Variants in IFT80 observed in about 807,000 individuals in gnomAD.
The protein encoded by IFT80 is intraflagellar transport 80, also known as intraflagellar transport protein 80 homolog.
Under a neutral mutation model 107.9 loss-of-function variants are expected in IFT80, and 79 were observed. The ratio of observed to expected loss-of-function variants is 0.73; its 90% confidence interval spans 0.61 to 0.88. The LOEUF (loss-of-function observed/expected upper bound fraction) is 0.88, where lower values mean the gene tolerates loss of function less well. Ranked by LOEUF, IFT80 falls within the 40% of genes least tolerant of loss-of-function variation. IFT80 has a pLI of 0.00. For synonymous variants in IFT80, 299 were observed against 300.9 expected (o/e 0.99, Z 0.07); for missense variants, 797 against 914.2 (o/e 0.87, Z 1.65).
At position 160,280,159 on chromosome 3, in the gene IFT80, C is replaced by T. The variant is rs574178105; in HGVS notation, c.1664+508G>A. 2.6e-5 allele frequency among the ~76,000 whole-genome samples: 4 copies of T among 152,174 alleles called. No individual in the cohort carries two copies. The East Asian group carries it at 7.7e-4, about 29-fold the overall frequency. On this transcript the variant is annotated intron_variant, in intron 15 of 19. Transcript: ENST00000326448. ...AGAATAAGAGATCTCCTTGCTATTT[C>T]TTAGAGAATTTAGGAATATAAATGG...
At chr3:160,288,408 C>A (rs1428497834) in intron 12 of IFT80, among the ~76,000 whole-genome samples, 2 of 152,078 alleles carry the variant, frequency 1.3e-5, no homozygotes, top group Non-Finnish European at 2.9e-5. Context: ...CTAGGCAATA[C>A]CATTCTGGAC....
At chr3:160,349,404 G>A (rs1467593830) in intron 8 of IFT80, among the ~76,000 whole-genome samples, 4 of 151,618 alleles carry the variant, frequency 2.6e-5, no homozygotes, top group South Asian at 2.1e-4. Context: ...AGCCGAGATC[G>A]CTCCACTGCA....
At chr3:160,260,543 T>G (rs1401131590) in intron 19 of IFT80, among the ~76,000 whole-genome samples, 1 of 152,232 alleles carries the variant, frequency 6.6e-6, no homozygotes, top group Non-Finnish European at 1.5e-5. Context: ...ATAATACAAA[T>G]CAGGGTGTCA....
chr3:160,363,217 A>G (rs188722890), intron 6 of IFT80, among the ~76,000 whole-genome samples: 1 of 152,268 alleles, frequency 6.6e-6, no homozygotes, highest in East Asian at 1.9e-4. Flanking sequence ...ATTTCTATAC[A>G]CCAATGACAA....
intron 8 of IFT80, among the ~76,000 whole-genome samples, chr3:160,323,067 T>G (rs1159897843): frequency 1.3e-5 from 2 of 151,388 alleles, no homozygotes; most frequent in Non-Finnish European, 3.0e-5. Flanking sequence ...AATTTTGGCT[T>G]TTGTTGCCAT....
intron 2 of IFT80, among the ~76,000 whole-genome samples, chr3:160,383,212 A>G (rs1431232165): frequency 6.6e-6 from 1 of 152,244 alleles, no homozygotes; most frequent in Non-Finnish European, 1.5e-5. Context: ...AAATGAGAAG[A>G]CTGCCAGATC....
chr3:160,288,273 C>T (rs1715253765), intron 12 of IFT80, among the ~76,000 whole-genome samples: 1 of 152,176 alleles, frequency 6.6e-6, no homozygotes, highest in South Asian at 2.1e-4. Flanking sequence ...GCGGAGCTTG[C>T]AGTGAGCCGA....
At chr3:160,272,043 G>A (rs76970486) in intron 18 of IFT80, among the ~76,000 whole-genome samples, 1 of 151,840 alleles carries the variant, frequency 6.6e-6, no homozygotes. Flanking sequence ...CCACAAAGAT[G>A]CAATGTTTGT....
intron 1 of IFT80, among the ~76,000 whole-genome samples, chr3:160,391,807 A>ATCCT (rs1713405068): frequency 6.6e-6 from 1 of 152,254 alleles, no homozygotes; most frequent in Non-Finnish European, 1.5e-5. Flanking sequence ...CCTTGTGGAA[A>ATCCT]GTCACATCAA....
intron 18 of IFT80, among the ~76,000 whole-genome samples, chr3:160,275,075 A>G (rs1317448445): frequency 6.6e-6 from 1 of 152,168 alleles, no homozygotes; most frequent in Non-Finnish European, 1.5e-5. Context: ...CATTTGTAAA[A>G]TGGGGCTGGT....
intron 9 of IFT80, among the ~76,000 whole-genome samples, chr3:160,316,971 A>G (rs933310966): frequency 1.1e-4 from 16 of 152,236 alleles, no homozygotes; most frequent in African/African-American, 3.9e-4. Flanking sequence ...CCTCTAAGTC[A>G]GTCTGTCTCT....
At chr3:160,366,261 AT>A in intron 5 of IFT80, 109 bp from the exon 6 acceptor site, 1 of 772,410 alleles carries the variant, frequency 1.3e-6, no homozygotes, top group East Asian at 2.6e-5. Flanking sequence ...GTGTCATTTC[AT>A]TTCTTCTCTT....
At chr3:160,283,239 C>G (rs1033822159) in intron 13 of IFT80, among the ~76,000 whole-genome samples, 1 of 152,204 alleles carries the variant, frequency 6.6e-6, no homozygotes, top group Non-Finnish European at 1.5e-5. Flanking sequence ...TCCAAGATCA[C>G]TGCTTTTCAT....
chr3:160,322,995 A>C (rs1275298732), intron 8 of IFT80, among the ~76,000 whole-genome samples: 1 of 151,678 alleles, frequency 6.6e-6, no homozygotes. Flanking sequence ...TTGCCTGTTC[A>C]CTCTAATGGT....
intron 7 of IFT80, 113 bp downstream of exon 7, chr3:160,357,375 AT>A: frequency 1.6e-6 from 1 of 633,838 alleles, no homozygotes; most frequent in South Asian, 2.0e-5. Flanking sequence ...AATTTGCTAA[AT>A]TACTGGAGTA....
chr3:160,384,492 T>C, intron 2 of IFT80, 72 bp downstream of exon 2: 2 of 1,372,052 alleles, frequency 1.5e-6, no homozygotes, highest in Non-Finnish European at 2.0e-6. Flanking sequence ...AACTAGGATA[T>C]AAAATAGAGA....
At chr3:160,398,087 T>G (rs939830239) in intron 1 of IFT80, among the ~76,000 whole-genome samples, 4 of 152,188 alleles carry the variant, frequency 2.6e-5, no homozygotes, top group African/African-American at 9.7e-5. Flanking sequence ...GCCAAAAAAC[T>G]TTTTTTCATT....
At chr3:160,368,029 C>G (rs1364576672) in intron 5 of IFT80, among the ~76,000 whole-genome samples, 4 of 151,784 alleles carry the variant, frequency 2.6e-5, no homozygotes, top group African/African-American at 9.7e-5. Context: ...CTAAATCAGA[C>G]TATTGTAGTA....
At chr3:160,320,755 A>C (rs1576804623) in intron 8 of IFT80, among the ~76,000 whole-genome samples, 1 of 151,618 alleles carries the variant, frequency 6.6e-6, no homozygotes. Context: ...TCTCGGCTGG[A>C]TATATATACA....
Sources: gnomAD v4.1 joint callset for allele counts (sites outside exome capture counted in the v4.1 genomes callset) on GRCh38, gnomAD v4.1.1 for gene constraint, MANE v1.5 for transcripts, NCBI Gene and HGNC (gene_info 2026-07-23, HGNC 2026-07-21) for gene names.